The following ART3 variants were observed in gnomAD, a reference collection of about 807,000 sequenced individuals.
The protein encoded by ART3 is ecto-ADP-ribosyltransferase 3.
ART3 carries 49 observed loss-of-function variants against 48.5 expected under a neutral mutation model. That is an observed-to-expected ratio of 1.01 (90% CI 0.80 to 1.28). The LOEUF (loss-of-function observed/expected upper bound fraction) is 1.28. ART3 is among the 50% of genes most tolerant of loss of function. ART3 has a pLI of 0.00. For missense variants in ART3, 438 were observed against 454.3 expected, an observed-to-expected ratio of 0.96 and a Z score of 0.33; for synonymous variants, 145 against 157.2, an observed-to-expected ratio of 0.92 and a Z score of 0.58.
intron 3 of ART3, among the ~76,000 whole-genome samples, chr4:76,095,793 C>T (rs539741738): frequency 7.9e-5 from 12 of 152,208 alleles, no homozygotes; most frequent in Non-Finnish European, 1.5e-4. Context: ...CCCCTGGTGC[C>T]TGGTCCCCAG....
intron 1 of ART3, among the ~76,000 whole-genome samples, chr4:76,068,421 A>G (rs1036615532): frequency 6.6e-6 from 1 of 152,234 alleles, no homozygotes; most frequent in Non-Finnish European, 1.5e-5. Flanking sequence ...TGTGGTACAT[A>G]TATACCATGT....
At chr4:76,040,591 GA>G (rs1028228675) in intron 1 of ART3, among the ~76,000 whole-genome samples, 25 of 146,248 alleles carry the variant, frequency 1.7e-4, no homozygotes, top group African/African-American at 5.1e-4. Context: ...AAGACAGGGA[GA>G]AAAAAAAATT....
In ART3 at chr4:76,081,819, TGAAGG is replaced by T. The variant is rs1306616812; in HGVS notation, c.70-4_70del. ...CAAGAGTATTAATTTCTTTTTCCTT[TGAAGG>T]TGAAGGCTGAAGTGTTAGACATGGC... On this transcript the variant is annotated splice_acceptor_variant and splice_polypyrimidine_tract_variant and coding_sequence_variant and intron_variant, in exon 3 of 12. Transcript: ENST00000355810. LOFTEE classifies it high-confidence loss of function. 2 of 1,598,774 alleles carry T rather than the reference TGAAGG, an allele frequency of 1.3e-6. No homozygotes were observed. The highest frequency in any genetic ancestry group is 1.1e-5 in the South Asian group (1 of 88,806).
intron 1 of ART3, among the ~76,000 whole-genome samples, chr4:76,018,371 T>G (rs987061243): frequency 6.6e-6 from 1 of 152,042 alleles, no homozygotes; most frequent in Admixed American, 6.5e-5. Flanking sequence ...CACTTATAAG[T>G]GGGAACTGAA....
intron 11 of ART3, among the ~76,000 whole-genome samples, chr4:76,108,090 A>AT (rs1013291282): frequency 9.2e-5 from 14 of 151,402 alleles, no homozygotes; most frequent in African/African-American, 3.4e-4. Flanking sequence ...GAAAATATAT[A>AT]TTAAAAAAAA....
intron 11 of ART3, among the ~76,000 whole-genome samples, chr4:76,109,970 T>TC (rs1729172763): frequency 6.6e-6 from 1 of 152,172 alleles, no homozygotes; most frequent in African/African-American, 2.4e-5. Context: ...AGTCAACGCT[T>TC]CCCCGTAGTT....
At chr4:76,040,446 A>ACACGCG (rs150596672) in intron 1 of ART3, among the ~76,000 whole-genome samples, 1 of 138,494 alleles carries the variant, frequency 7.2e-6, no homozygotes, top group Admixed American at 7.1e-5. Flanking sequence ...ATACACACAC[A>ACACGCG]CACACACACA....
intron 1 of ART3, among the ~76,000 whole-genome samples, chr4:76,040,268 C>T (rs1021645372): frequency 2.6e-5 from 4 of 152,032 alleles, no homozygotes; most frequent in African/African-American, 4.8e-5. Flanking sequence ...GAAGTTGCAG[C>T]GAGCCAAGAT....
chr4:76,065,062 G>A (rs5005110), intron 1 of ART3, among the ~76,000 whole-genome samples: 88,986 of 151,794 alleles, frequency 0.59, 26,929 homozygotes, highest in East Asian at 0.94. Flanking sequence ...GAACTCCTGA[G>A]CTCAAGTGAT....
chr4:76,011,333 C>G (rs896312542), intron 1 of ART3: 2 of 152,516 alleles, frequency 1.3e-5, no homozygotes, highest in Admixed American at 1.3e-4. Flanking sequence ...AGGGGTTGTG[C>G]CTTCAGGATC....
chr4:76,012,032 T>G (rs1731849379), intron 1 of ART3: 1 of 152,178 alleles, frequency 6.6e-6, no homozygotes, highest in Non-Finnish European at 1.5e-5. Context: ...ACCAATTCCT[T>G]TTTGGACAAG....
At chr4:76,056,303 G>C (rs1718678024) in intron 1 of ART3, among the ~76,000 whole-genome samples, 1 of 152,156 alleles carries the variant, frequency 6.6e-6, no homozygotes, top group African/African-American at 2.4e-5. Context: ...CCAGTTAGTA[G>C]ATCAAGCTTC....
At chr4:76,103,393 G>T (rs187676340) in intron 8 of ART3, among the ~76,000 whole-genome samples, 42 of 152,142 alleles carry the variant, frequency 2.8e-4, no homozygotes, top group African/African-American at 8.7e-4. Context: ...TACTGAGCCT[G>T]GAGAGTTTGA....
chr4:76,023,614 A>G, intron 1 of ART3: 1 of 527,172 alleles, frequency 1.9e-6, no homozygotes, highest in Non-Finnish European at 3.4e-6. Flanking sequence ...TTCCTGGGGA[A>G]GTCCCATGTT....
chr4:76,064,637 G>T (rs1251950349), intron 1 of ART3, among the ~76,000 whole-genome samples: 1 of 152,106 alleles, frequency 6.6e-6, no homozygotes, highest in Non-Finnish European at 1.5e-5. Context: ...ACAACATAAA[G>T]ATAAAAGAAC....
intron 1 of ART3, among the ~76,000 whole-genome samples, chr4:76,053,788 T>C (rs1048033793): frequency 3.3e-5 from 5 of 152,200 alleles, no homozygotes; most frequent in African/African-American, 1.2e-4. Context: ...TGTCAGAATG[T>C]TTGCTGTCAT....
intron 1 of ART3, among the ~76,000 whole-genome samples, chr4:76,052,541 G>C (rs561409117): frequency 6.6e-6 from 1 of 151,906 alleles, no homozygotes; most frequent in South Asian, 2.1e-4. Flanking sequence ...GGCTTTTAGT[G>C]TATCCATCAC....
intron 1 of ART3, among the ~76,000 whole-genome samples, chr4:76,064,094 T>C (rs771634260): frequency 5.9e-5 from 9 of 152,184 alleles, no homozygotes; most frequent in Non-Finnish European, 8.8e-5. Flanking sequence ...AGGGATTCAA[T>C]TGAAAGATTT....
chr4:76,052,528 T>G (rs1235239425), intron 1 of ART3, among the ~76,000 whole-genome samples: 2 of 152,084 alleles, frequency 1.3e-5, no homozygotes, highest in Non-Finnish European at 2.9e-5. Context: ...GTGGTGAAAT[T>G]AGGGCTTTTA....
Sources: gnomAD v4.1 joint callset for allele counts (sites outside exome capture counted in the v4.1 genomes callset) on GRCh38, gnomAD v4.1.1 for gene constraint, MANE v1.5 for transcripts, NCBI Gene and HGNC (gene_info 2026-07-23, HGNC 2026-07-21) for gene names.